ZNRF3: variants seen among roughly 807,000 people sequenced by gnomAD.
The protein encoded by ZNRF3 is E3 ubiquitin-protein ligase ZNRF3.
ZNRF3 carries 23 observed loss-of-function variants against 72.5 expected under a neutral mutation model. The observed-to-expected ratio is 0.32, with a 90% CI of 0.23 to 0.45. The LOEUF is 0.45. Ranked by LOEUF, ZNRF3 falls within the 20% of genes least tolerant of loss-of-function variation. ZNRF3 has a pLI of 1.00. For synonymous variants in ZNRF3, 610 were observed against 545.3 expected (o/e 1.12, Z -1.65); for missense variants, 1,169 against 1,272.1 (o/e 0.92, Z 1.23).
intron 1 of ZNRF3, among the ~76,000 whole-genome samples, chr22:28,910,232 G>T (rs984939148): frequency 1.1e-4 from 16 of 151,990 alleles, no homozygotes; most frequent in African/African-American, 3.1e-4. Flanking sequence ...GTAGAGACGG[G>T]GTTTCACCAT....
At chr22:28,976,119 C>T (rs1410437527) in intron 1 of ZNRF3, among the ~76,000 whole-genome samples, 1 of 152,160 alleles carries the variant, frequency 6.6e-6, no homozygotes, top group Non-Finnish European at 1.5e-5. Context: ...CTATCTAGTT[C>T]ACTAATTTTC....
At chr22:28,956,946 A>G (rs956823721) in intron 1 of ZNRF3, among the ~76,000 whole-genome samples, 8 of 152,222 alleles carry the variant, frequency 5.3e-5, no homozygotes, top group African/African-American at 1.9e-4. Context: ...GTCCAGGGCC[A>G]CCAGGAGTCT....
At chr22:28,913,396 A>C (rs1040901995) in intron 1 of ZNRF3, among the ~76,000 whole-genome samples, 2 of 152,208 alleles carry the variant, frequency 1.3e-5, no homozygotes, top group Non-Finnish European at 2.9e-5. Flanking sequence ...CAAAGGACTC[A>C]AGGTGCTAGG....
At chr22:28,964,631 T>C (rs2035426309) in intron 1 of ZNRF3, among the ~76,000 whole-genome samples, 1 of 152,212 alleles carries the variant, frequency 6.6e-6, no homozygotes, top group Non-Finnish European at 1.5e-5. Flanking sequence ...CTCCTATCTC[T>C]TGGGAGGCTG....
intron 2 of ZNRF3, among the ~76,000 whole-genome samples, chr22:28,993,840 A>G (rs2035998337): frequency 6.6e-6 from 1 of 151,986 alleles, no homozygotes; most frequent in African/African-American, 2.4e-5. Context: ...GTGCCACCAC[A>G]CCTAGCTAGT....
chr22:29,052,609 C>T (rs1026219274), intron 8 of ZNRF3, among the ~76,000 whole-genome samples: 1 of 151,718 alleles, frequency 6.6e-6, no homozygotes, highest in Non-Finnish European at 1.5e-5. Flanking sequence ...AGGAGAATCG[C>T]TTGAACCCGG....
chr22:28,962,509 G>C (rs1256384936), intron 1 of ZNRF3, among the ~76,000 whole-genome samples: 1 of 152,208 alleles, frequency 6.6e-6, no homozygotes, highest in African/African-American at 2.4e-5. Flanking sequence ...CCTGATTCTA[G>C]CTATTATACT....
intron 1 of ZNRF3, among the ~76,000 whole-genome samples, chr22:28,885,590 TAAAAAAAA>T (rs34201242): frequency 1.9e-5 from 2 of 102,744 alleles, no homozygotes; most frequent in African/African-American, 7.0e-5. Context: ...TACAGCCTTC[TAAAAAAAA>T]AAAAAAAAAA....
intron 1 of ZNRF3, among the ~76,000 whole-genome samples, chr22:28,902,494 C>T (rs1480449484): frequency 6.6e-6 from 1 of 151,766 alleles, no homozygotes; most frequent in South Asian, 2.1e-4. Flanking sequence ...ATGATCCTCC[C>T]ACCTTAGCCT....
chr22:29,049,749 G>A lies in ZNRF3; in HGVS notation c.1568G>A (p.Ser523Asn), dbSNP rs1217093701. Residue 523 changes from serine to asparagine, a missense_variant, in exon 8 of 9, where the codon AGC becomes AAC. This residue lies in a region of ZNRF3 where 783 missense variants were observed against 731.4 expected (regional missense o/e 1.07). Transcript: ENST00000544604. The surrounding 1 kb of genome is among the most constrained non-coding windows in gnomAD (Gnocchi z 5.2). ...VHVAPPSHLESGSTSSFSCYH... is the reference protein window; with the variant it reads ...VHVAPPSHLENGSTSSFSCYH... ...GTGGCCCCGCCCTCCCACCTGGAGA[G>A]CGGCAGCACGTCCAGCTTCAGCTGC... 7 of 1,594,298 alleles carry A rather than the reference G, an allele frequency of 4.4e-6. No homozygotes were observed. In the South Asian group the frequency reaches 7.8e-5, roughly 18 times the overall value.
chr22:28,890,713 A>G (rs1181061774), intron 1 of ZNRF3, among the ~76,000 whole-genome samples: 1 of 152,008 alleles, frequency 6.6e-6, no homozygotes, highest in Non-Finnish European at 1.5e-5. Context: ...TCGTTAACCT[A>G]AATATATGCC....
intron 2 of ZNRF3, among the ~76,000 whole-genome samples, chr22:29,037,850 TG>T (rs1157870941): frequency 6.6e-6 from 1 of 152,058 alleles, no homozygotes; most frequent in African/African-American, 2.4e-5. Flanking sequence ...CCCTTGTGGG[TG>T]GGGATGAGGG....
intron 1 of ZNRF3, among the ~76,000 whole-genome samples, chr22:28,926,797 C>CAAAAAAA (rs747908278): frequency 1.3e-5 from 1 of 77,496 alleles, no homozygotes; most frequent in Non-Finnish European, 2.7e-5. Context: ...AACTCCATCT[C>CAAAAAAA]AAAAAAAAAA....
At chr22:28,952,573 T>A (rs564114830) in intron 1 of ZNRF3, among the ~76,000 whole-genome samples, 1 of 152,220 alleles carries the variant, frequency 6.6e-6, no homozygotes, top group South Asian at 2.1e-4. Flanking sequence ...CATTCACAGT[T>A]TGAAAGCCAA....
chr22:28,931,739 C>T (rs903550504), intron 1 of ZNRF3, among the ~76,000 whole-genome samples: 2 of 152,228 alleles, frequency 1.3e-5, no homozygotes, highest in Non-Finnish European at 2.9e-5. Context: ...AAGACAAAAA[C>T]CCCTGCCCTG....
At chr22:28,974,186 C>G (rs192120193) in intron 1 of ZNRF3, among the ~76,000 whole-genome samples, 2 of 152,114 alleles carry the variant, frequency 1.3e-5, no homozygotes. Flanking sequence ...TGGTCTCGAT[C>G]TCCTGACCTC....
chr22:29,016,703 G>T (rs1027682214), intron 2 of ZNRF3, among the ~76,000 whole-genome samples: 1 of 152,222 alleles, frequency 6.6e-6, no homozygotes, highest in Non-Finnish European at 1.5e-5. Flanking sequence ...ATTTAAAGAA[G>T]TTGCTCCAGC....
intron 1 of ZNRF3, among the ~76,000 whole-genome samples, chr22:28,959,692 G>T (rs1460198585): frequency 6.6e-6 from 1 of 152,200 alleles, no homozygotes; most frequent in East Asian, 1.9e-4. Flanking sequence ...AACTCCCACG[G>T]TGGTGGTATT....
intron 2 of ZNRF3, among the ~76,000 whole-genome samples, chr22:29,037,335 AC>A: frequency 6.6e-6 from 1 of 152,190 alleles, no homozygotes; most frequent in South Asian, 2.1e-4. Context: ...ACGTTTTCCC[AC>A]CCACAAAGTG....
Sources: allele counts gnomAD v4.1 joint callset (sites outside exome capture counted in the v4.1 genomes callset), GRCh38; gene constraint gnomAD v4.1.1; regional missense constraint gnomAD v4.1.1; non-coding constraint Gnocchi (gnomAD v3.1); transcripts MANE v1.5; gene names NCBI Gene and HGNC (gene_info 2026-07-23, HGNC 2026-07-21).